DSCAML1: variants seen among roughly 807,000 people sequenced by gnomAD.
DSCAML1 encodes DS cell adhesion molecule like 1, also known as cell adhesion molecule DSCAML1.
DSCAML1 carries 38 observed loss-of-function variants against 200.5 expected under a neutral mutation model. That is an observed-to-expected ratio of 0.19 (90% CI 0.15 to 0.25). DSCAML1 has a LOEUF of 0.25. Ranked by LOEUF, DSCAML1 falls within the 10% of genes least tolerant of loss-of-function variation. The pLI is 1.00. For synonymous variants in DSCAML1, 1,215 were observed against 1,165.0 expected (o/e 1.04, Z -0.87); for missense variants, 2,223 against 2,858.8 (o/e 0.78, Z 5.07).
chr11:117,658,762 C>T (rs2052782703), intron 3 of DSCAML1, among the ~76,000 whole-genome samples: 1 of 152,192 alleles, frequency 6.6e-6, no homozygotes, highest in South Asian at 2.1e-4. Context: ...TAGGTAAAAA[C>T]TTAGCCATGA....
At chr11:117,454,124 C>T (rs558510505) in intron 19 of DSCAML1, among the ~76,000 whole-genome samples, 12 of 152,240 alleles carry the variant, frequency 7.9e-5, no homozygotes, top group African/African-American at 2.9e-4. Context: ...CATTCTCTGT[C>T]TCTTCTTCTT....
chr11:117,652,582 G>C (rs530131056), intron 3 of DSCAML1, among the ~76,000 whole-genome samples: 1 of 152,348 alleles, frequency 6.6e-6, no homozygotes, highest in African/African-American at 2.4e-5. Context: ...CCCAGGCTGG[G>C]AAGAAGAGGT....
At chr11:117,747,584 T>G (rs2054538371) in intron 3 of DSCAML1, among the ~76,000 whole-genome samples, 1 of 152,206 alleles carries the variant, frequency 6.6e-6, no homozygotes, top group Non-Finnish European at 1.5e-5. Context: ...CAAGTCCTCC[T>G]GAGTGACACA....
intron 3 of DSCAML1, among the ~76,000 whole-genome samples, chr11:117,630,154 C>G (rs2052140086): frequency 6.6e-6 from 1 of 152,170 alleles, no homozygotes; most frequent in Non-Finnish European, 1.5e-5. Flanking sequence ...CCTTCTGTCC[C>G]CCACAGGGCA....
At chr11:117,584,248 C>T (rs556373515) in intron 3 of DSCAML1, among the ~76,000 whole-genome samples, 6 of 152,328 alleles carry the variant, frequency 3.9e-5, no homozygotes, top group African/African-American at 1.4e-4. Context: ...TTTGTTCTAG[C>T]TCCATTTTTG....
chr11:117,651,746 T>C (rs1273583640), intron 3 of DSCAML1, among the ~76,000 whole-genome samples: 2 of 148,810 alleles, frequency 1.3e-5, no homozygotes, highest in Admixed American at 1.3e-4. Context: ...AAAGAATGAT[T>C]GCATCCCTAA....
At chr11:117,486,023 G>T (rs1460646333) in intron 11 of DSCAML1, among the ~76,000 whole-genome samples, 2 of 152,252 alleles carry the variant, frequency 1.3e-5, no homozygotes, top group Non-Finnish European at 2.9e-5. Context: ...ACAACTGGGT[G>T]CCAGGTAATA....
intron 3 of DSCAML1, among the ~76,000 whole-genome samples, chr11:117,658,694 A>G (rs574833185): frequency 6.6e-6 from 1 of 152,346 alleles, no homozygotes; most frequent in South Asian, 2.1e-4. Context: ...CATTAGGAAG[A>G]GGCAATTAAC....
chr11:117,622,778 T>C (rs1020552218), intron 3 of DSCAML1, among the ~76,000 whole-genome samples: 1 of 152,102 alleles, frequency 6.6e-6, no homozygotes, highest in Non-Finnish European at 1.5e-5. Context: ...TGCTCCTCGT[T>C]CTCCCCCACC....
chr11:117,433,599 CAGA>C (rs2047849122), intron 27 of DSCAML1, 128 bp from the exon 28 acceptor site: 2 of 987,652 alleles, frequency 2.0e-6, no homozygotes, highest in Non-Finnish European at 2.9e-6. Flanking sequence ...TCCTAAGAAG[CAGA>C]AGGAGAAATG....
chr11:117,570,933 C>G (rs1438484818), intron 3 of DSCAML1, among the ~76,000 whole-genome samples: 1 of 152,278 alleles, frequency 6.6e-6, no homozygotes, highest in African/African-American at 2.4e-5. Flanking sequence ...CTCTGCCAGC[C>G]TGGCCCCACG....
At chr11:117,452,113 G>T (rs374340920) in intron 19 of DSCAML1, among the ~76,000 whole-genome samples, 9 of 152,156 alleles carry the variant, frequency 5.9e-5, no homozygotes, top group African/African-American at 2.2e-4. Context: ...TGGGGTAAAC[G>T]AGTCCATGGA....
chr11:117,624,973 C>G (rs150883056), intron 3 of DSCAML1, among the ~76,000 whole-genome samples: 1 of 152,282 alleles, frequency 6.6e-6, no homozygotes, highest in East Asian at 1.9e-4. Context: ...AAAACCCACC[C>G]ATGCCTGGTC....
intron 3 of DSCAML1, among the ~76,000 whole-genome samples, chr11:117,681,048 T>G (rs983211959): frequency 6.6e-6 from 1 of 152,194 alleles, no homozygotes; most frequent in Non-Finnish European, 1.5e-5. Flanking sequence ...ATTCGGACCC[T>G]GGATTCTCAT....
intron 3 of DSCAML1, among the ~76,000 whole-genome samples, chr11:117,776,167 T>C (rs1437371532): frequency 6.6e-6 from 1 of 152,138 alleles, no homozygotes; most frequent in Non-Finnish European, 1.5e-5. Context: ...AAGGAGCCAA[T>C]AATGAGGGAC....
intron 3 of DSCAML1, among the ~76,000 whole-genome samples, chr11:117,676,017 T>A (rs1356032870): frequency 1.3e-5 from 2 of 152,126 alleles, no homozygotes; most frequent in East Asian, 3.9e-4. Context: ...AATAGCACTT[T>A]CGAGCTGCAG....
chr11:117,696,172 G>A (rs1451430642), intron 3 of DSCAML1, among the ~76,000 whole-genome samples: 5 of 152,194 alleles, frequency 3.3e-5, no homozygotes, highest in African/African-American at 1.2e-4. Flanking sequence ...ATGGGGAGAC[G>A]GGAGCAAGAA....
At chr11:117,445,049 C>A (rs1462277081) in intron 20 of DSCAML1, among the ~76,000 whole-genome samples, 1 of 152,044 alleles carries the variant, frequency 6.6e-6, no homozygotes, top group Admixed American at 6.5e-5. Context: ...CAGGATCTTG[C>A]ACACACACGC....
In DSCAML1 at chr11:117,504,824, G is replaced by T; in HGVS notation, c.2182+100C>A. ...GCAGACCAGAGGACTCCCATCCAGGGATAGGAGTTGCCTGCATGGAACAGG... is the reference window on the plus strand; with the variant it reads ...GCAGACCAGAGGACTCCCATCCAGGTATAGGAGTTGCCTGCATGGAACAGG... On this transcript the variant is annotated intron_variant, in intron 10 of 32. Coordinates refer to ENST00000651296, the MANE Select transcript of DSCAML1 (RefSeq NM_020693.4). This position sits in a 1 kb window ranked among gnomAD's most constrained non-coding sequence, Gnocchi z 5.0. 1 of 1,454,754 alleles carries T rather than the reference G, an allele frequency of 6.9e-7. No homozygotes were observed. Among genetic ancestry groups the T allele is most frequent in the South Asian group, 1.6e-5 (1 of 61,756 alleles). The allele number at this position is 1,454,754 out of a possible 1,614,324, so 90.1% of individuals were successfully genotyped here.
Sources: allele counts gnomAD v4.1 joint callset (sites outside exome capture counted in the v4.1 genomes callset), GRCh38; gene constraint gnomAD v4.1.1; non-coding constraint Gnocchi (gnomAD v3.1); transcripts MANE v1.5; gene names NCBI Gene and HGNC (gene_info 2026-07-23, HGNC 2026-07-21).